Variants in LRP1B observed in about 807,000 individuals in gnomAD.
The protein encoded by LRP1B is low-density lipoprotein receptor-related protein 1B.
A neutral mutation model predicts 556.6 loss-of-function variants in LRP1B; 217 were observed. That is an observed-to-expected ratio of 0.39 (90% confidence interval 0.35 to 0.44). LRP1B has a LOEUF of 0.44. LRP1B is among the 20% of genes least tolerant of loss of function. The probability of loss-of-function intolerance (pLI) is 1.00; values close to 1 mark genes in which losing one functional copy is unlikely to be tolerated. For synonymous variants in LRP1B, 2,047 were observed against 1,865.8 expected, an observed-to-expected ratio of 1.10 and a Z score of -2.50; for missense variants, 5,053 against 5,620.8, an observed-to-expected ratio of 0.90 and a Z score of 3.23.
At chr2:141,926,031 T>A (rs1051261606) in intron 1 of LRP1B, among the ~76,000 whole-genome samples, 1 of 152,204 alleles carries the variant, frequency 6.6e-6, no homozygotes, top group African/African-American at 2.4e-5. Flanking sequence ...ATTATCACCA[T>A]CATGTACAGT....
At chr2:141,976,620 A>G (rs1325844640) in intron 1 of LRP1B, among the ~76,000 whole-genome samples, 2 of 152,142 alleles carry the variant, frequency 1.3e-5, no homozygotes, top group East Asian at 1.9e-4. Flanking sequence ...GGTTAAGAAT[A>G]TAGTGATTCC....
chr2:141,001,156 A>G (rs1697410415), intron 15 of LRP1B, among the ~76,000 whole-genome samples: 1 of 152,034 alleles, frequency 6.6e-6, no homozygotes, highest in Non-Finnish European at 1.5e-5. Context: ...CAAACATAAA[A>G]ACTTATCAGA....
chr2:140,952,305 A>G (rs902662979), intron 18 of LRP1B, among the ~76,000 whole-genome samples: 1 of 151,870 alleles, frequency 6.6e-6, no homozygotes, highest in African/African-American at 2.4e-5. Flanking sequence ...CTGCAAAGTA[A>G]TGTGTTTATG....
chr2:141,295,002 C>A (rs1021338948), intron 3 of LRP1B, among the ~76,000 whole-genome samples: 1 of 151,908 alleles, frequency 6.6e-6, no homozygotes, highest in East Asian at 1.9e-4. Flanking sequence ...AATCATTTTA[C>A]AAAGATATTT....
chr2:140,576,009 A>C (rs1050245238), intron 43 of LRP1B, among the ~76,000 whole-genome samples: 1 of 152,168 alleles, frequency 6.6e-6, no homozygotes, highest in Non-Finnish European at 1.5e-5. Flanking sequence ...GTATCACAAC[A>C]ACAATGCTTG....
At chr2:141,988,923 G>C (rs992916217) in intron 1 of LRP1B, among the ~76,000 whole-genome samples, 1 of 151,946 alleles carries the variant, frequency 6.6e-6, no homozygotes, top group Non-Finnish European at 1.5e-5. Flanking sequence ...AGTGCCTACT[G>C]CATGCATATT....
intron 83 of LRP1B, among the ~76,000 whole-genome samples, chr2:140,313,352 A>G (rs992713992): frequency 6.6e-6 from 1 of 151,890 alleles, no homozygotes; most frequent in Admixed American, 6.6e-5. Context: ...ACAGATTTTG[A>G]GCATGCATTA....
intron 1 of LRP1B, among the ~76,000 whole-genome samples, chr2:141,900,510 A>T (rs1699587051): frequency 6.6e-6 from 1 of 151,992 alleles, no homozygotes; most frequent in Non-Finnish European, 1.5e-5. Context: ...ACTAGTAATA[A>T]TATGGTACAT....
intron 1 of LRP1B, among the ~76,000 whole-genome samples, chr2:141,961,401 T>C (rs886914052): frequency 6.6e-6 from 1 of 151,738 alleles, no homozygotes; most frequent in Non-Finnish European, 1.5e-5. Flanking sequence ...ATTCTGAATA[T>C]ACTTAATTGT....
At chr2:140,593,573 T>C (rs1574118700) in intron 43 of LRP1B, among the ~76,000 whole-genome samples, 1 of 152,306 alleles carries the variant, frequency 6.6e-6, no homozygotes, top group Admixed American at 6.5e-5. Context: ...CATTCCTCGA[T>C]ATTTAGGTAG....
intron 66 of LRP1B, among the ~76,000 whole-genome samples, chr2:140,428,515 T>A (rs1292705159): frequency 1.3e-5 from 2 of 152,292 alleles, no homozygotes; most frequent in Admixed American, 1.3e-4. Flanking sequence ...AAAATCGGAC[T>A]GTTCAACTCA....
chr2:141,478,883 T>C (rs564310315), intron 3 of LRP1B, among the ~76,000 whole-genome samples: 28 of 152,164 alleles, frequency 1.8e-4, no homozygotes, highest in Non-Finnish European at 3.4e-4. Context: ...TACAATTACA[T>C]AAAAGATGTC....
At chr2:141,023,372 C>G (rs180785732) in intron 11 of LRP1B, among the ~76,000 whole-genome samples, 1 of 151,702 alleles carries the variant, frequency 6.6e-6, no homozygotes, top group African/African-American at 2.4e-5. Context: ...TAAGAGACAC[C>G]TACCACTAAG....
Position 140,776,238 on chromosome 2 carries a change from T to C in LRP1B, c.5360A>G (p.Asp1787Gly). The part of the protein sequence containing the change: ...LTKATALTIM[D>G]KKLWWADQNL... ...TTGGTCTGCCCACCACAGTTTCTTA[T>C]CTAGAAAAAGGAAAGATATTTTTTA... Residue 1787 changes from aspartate (D) to glycine (G), a missense_variant and splice_region_variant, in exon 33 of 91, where the codon GAT becomes GGT. Physicochemically the swap from Asp to Gly is moderately conservative, Grantham distance 94. Transcript: ENST00000389484. 2 of 1,574,412 alleles carry C rather than the reference T, an allele frequency of 1.3e-6. No homozygotes were observed. The highest frequency in any genetic ancestry group is 1.9e-5 in the Admixed American group (1 of 53,528).
At chr2:140,609,995 C>A (rs2105222027) in intron 41 of LRP1B, among the ~76,000 whole-genome samples, 1 of 152,128 alleles carries the variant, frequency 6.6e-6, no homozygotes, top group East Asian at 1.9e-4. Context: ...TTTTATTATG[C>A]CCTGGCCACA....
chr2:141,738,740 C>T (rs1271016477), intron 2 of LRP1B, among the ~76,000 whole-genome samples: 1 of 152,062 alleles, frequency 6.6e-6, no homozygotes. Context: ...CAGTCTCTTT[C>T]GTATAAAACT....
At chr2:141,982,127 T>C (rs1702060835) in intron 1 of LRP1B, among the ~76,000 whole-genome samples, 1 of 152,082 alleles carries the variant, frequency 6.6e-6, no homozygotes, top group African/African-American at 2.4e-5. Context: ...ACATAGAACC[T>C]CTCCACAACC....
intron 90 of LRP1B, among the ~76,000 whole-genome samples, chr2:140,233,801 A>T (rs1680575483): frequency 6.6e-6 from 1 of 151,386 alleles, no homozygotes; most frequent in Non-Finnish European, 1.5e-5. Context: ...ACAAAAATGT[A>T]AAGAAATGCA....
intron 1 of LRP1B, among the ~76,000 whole-genome samples, chr2:141,877,392 T>C (rs528073998): frequency 6.6e-6 from 1 of 152,114 alleles, no homozygotes; most frequent in Admixed American, 6.6e-5. Context: ...GACCATTTGA[T>C]GAGTTTTTAT....
Sources: allele counts gnomAD v4.1 joint callset (sites outside exome capture counted in the v4.1 genomes callset), GRCh38; gene constraint gnomAD v4.1.1; transcripts MANE v1.5; gene names NCBI Gene and HGNC (gene_info 2026-07-23, HGNC 2026-07-21).